Variants in OR2L13 observed in about 807,000 individuals in gnomAD.
OR2L13 encodes olfactory receptor 2L13.
A neutral mutation model predicts 15.3 loss-of-function variants in OR2L13; 14 were observed. The observed-to-expected ratio is 0.91, with a 90% confidence interval of 0.60 to 1.43. The LOEUF is 1.43. Among genes scored for constraint, OR2L13 ranks in the 40% most tolerant of loss-of-function variants. The pLI is 0.00. For missense variants in OR2L13, 367 were observed against 387.9 expected, an observed-to-expected ratio of 0.95 and a Z score of 0.45; for synonymous variants, 152 against 142.9, an observed-to-expected ratio of 1.06 and a Z score of -0.45.
At chr1:248,091,956 T>C (rs75602445), upstream of OR2L13, among the ~76,000 whole-genome samples, 1,319 of 152,220 alleles carry the variant, frequency 8.7e-3, 9 homozygotes, top group Non-Finnish European at 0.012. Flanking sequence ...TTGGTGTCTC[T>C]CCAATTCCTT....
chr1:247,955,031 T>C, the OR2L13 span, among the ~76,000 whole-genome samples: 1 of 152,042 alleles, frequency 6.6e-6, no homozygotes, highest in South Asian at 2.1e-4. Flanking sequence ...ATGTGCCATG[T>C]TGGTGTGCTG....
chr1:248,099,136 C>T (rs968160034), intron 2 of OR2L13, among the ~76,000 whole-genome samples: 1 of 152,128 alleles, frequency 6.6e-6, no homozygotes, highest in African/African-American at 2.4e-5. Flanking sequence ...ACTCTGCTGT[C>T]ATCTACAGTA....
chr1:247,954,709 CTG>C, the OR2L13 span, among the ~76,000 whole-genome samples: 1 of 151,564 alleles, frequency 6.6e-6, no homozygotes, highest in Non-Finnish European at 1.5e-5. Flanking sequence ...AAATGCAAAA[CTG>C]AATTTCTGCA....
At chr1:248,031,807 G>A in the OR2L13 span, among the ~76,000 whole-genome samples, 1 of 152,124 alleles carries the variant, frequency 6.6e-6, no homozygotes. Context: ...GGGGGAGATC[G>A]GAAAAATAAA....
chr1:247,993,807 G>GAGAGAGAGAGAGAGAGAGAGAGAGAA, the OR2L13 span, among the ~76,000 whole-genome samples: 36 of 129,002 alleles, frequency 2.8e-4, 1 homozygote, highest in Non-Finnish European at 3.9e-4. Flanking sequence ...GAGAGAGAGA[G>GAGAGAGAGAGAGAGAGAGAGAGAGAA]AGAGAAAGAA....
chr1:247,982,116 A>G, the OR2L13 span, among the ~76,000 whole-genome samples: 1 of 152,296 alleles, frequency 6.6e-6, no homozygotes, highest in African/African-American at 2.4e-5. Context: ...CGCCTGGCCC[A>G]TAATAACAAT....
At position 248,099,749 on chromosome 1, in the gene OR2L13, T is replaced by TCTGC; in HGVS notation, c.376_379dup (p.His127LeufsTer12). On this transcript the variant is annotated frameshift_variant, in exon 3 of 3. Coordinates refer to ENST00000641714, the Ensembl canonical transcript of OR2L13. LOFTEE classifies it high-confidence loss of function. ...ATGGCCTACGACCGTTATTTGGCCATCTGCCACTCTCTCTATTATCCTATC... is the reference window on the plus strand; with the variant it reads ...ATGGCCTACGACCGTTATTTGGCCATCTGCCTGCCACTCTCTCTATTATCCTATC... The TCTGC allele has an allele frequency of 6.2e-7, 1 of 1,614,196 alleles. No individual in the cohort carries two copies. The highest frequency in any genetic ancestry group is 8.5e-7 in the Non-Finnish European group (1 of 1,180,040).
the OR2L13 span, among the ~76,000 whole-genome samples, chr1:248,025,415 G>C: frequency 6.7e-6 from 1 of 149,090 alleles, no homozygotes; most frequent in Non-Finnish European, 1.5e-5. Flanking sequence ...TCTCACACCA[G>C]TTAGAATGGC....
At chr1:247,960,436 A>C in the OR2L13 span, among the ~76,000 whole-genome samples, 2 of 152,194 alleles carry the variant, frequency 1.3e-5, no homozygotes, top group Non-Finnish European at 2.9e-5. Context: ...CTTCAGCTGC[A>C]TGCTGGGAGA....
chr1:247,985,868 A>G, the OR2L13 span, among the ~76,000 whole-genome samples: 664 of 150,570 alleles, frequency 4.4e-3, 4 homozygotes, highest in African/African-American at 0.015. Context: ...CAGTGATGAT[A>G]AGCATTTTTT....
chr1:248,010,577 TC>T, the OR2L13 span, among the ~76,000 whole-genome samples: 2 of 151,758 alleles, frequency 1.3e-5, no homozygotes, highest in Non-Finnish European at 2.9e-5. Flanking sequence ...TTTGTAGGTC[TC>T]TAAGAACTTG....
upstream of OR2L13, among the ~76,000 whole-genome samples, chr1:248,094,801 A>G (rs1478574618): frequency 6.6e-6 from 1 of 152,188 alleles, no homozygotes; most frequent in Non-Finnish European, 1.5e-5. Context: ...TATCCTTGGG[A>G]CTAGTTCTGC....
the OR2L13 span, among the ~76,000 whole-genome samples, chr1:248,078,510 C>G: frequency 6.6e-6 from 1 of 151,514 alleles, no homozygotes; most frequent in African/African-American, 2.4e-5. Flanking sequence ...AAACTAAGTA[C>G]AGCTGTTTTG....
chr1:248,086,456 A>G, the OR2L13 span, among the ~76,000 whole-genome samples: 1 of 152,178 alleles, frequency 6.6e-6, no homozygotes, highest in African/African-American at 2.4e-5. Context: ...GATGTATAAT[A>G]TGGTTATAGA....
exon 3 of OR2L13, chr1:248,100,665 C>G (rs1664839932): frequency 5.9e-6 from 1 of 170,740 alleles, no homozygotes; most frequent in African/African-American, 2.4e-5. Context: ...GCCTTTTACT[C>G]TGTTTGCATT....
At chr1:248,067,828 G>T in the OR2L13 span, among the ~76,000 whole-genome samples, 2 of 152,198 alleles carry the variant, frequency 1.3e-5, no homozygotes, top group Admixed American at 6.5e-5. Context: ...AAAAAACGGC[G>T]CGCCAGGAGG....
At chr1:247,965,287 T>C in the OR2L13 span, 1 of 1,394,356 alleles carries the variant, frequency 7.2e-7, no homozygotes, top group Middle Eastern at 1.9e-4. Flanking sequence ...TATTTCTGAA[T>C]GCCATGTCAT....
chr1:247,963,367 T>C, the OR2L13 span, among the ~76,000 whole-genome samples: 121,421 of 152,094 alleles, frequency 0.8, 52,660 homozygotes, highest in South Asian at 0.95. Flanking sequence ...TAATGTATTC[T>C]AATTATAATG....
At chr1:247,992,457 CTTAGAG>C in the OR2L13 span, among the ~76,000 whole-genome samples, 16 of 152,128 alleles carry the variant, frequency 1.1e-4, no homozygotes, top group East Asian at 3.9e-4. Context: ...TTGCATGTTG[CTTAGAG>C]TTAGAGTGTG....
Sources: allele counts gnomAD v4.1 joint callset (sites outside exome capture counted in the v4.1 genomes callset), GRCh38; gene constraint gnomAD v4.1.1; transcripts MANE v1.5; gene names NCBI Gene and HGNC (gene_info 2026-07-23, HGNC 2026-07-21).